AP3D1: variants seen among roughly 807,000 people sequenced by gnomAD.
The protein encoded by AP3D1 is adaptor related protein complex 3 subunit delta 1.
In AP3D1, 51 loss-of-function variants were observed where a neutral mutation model predicts 147.6. The observed-to-expected ratio is 0.35, with a 90% CI of 0.28 to 0.44. AP3D1 has a LOEUF of 0.44. Among genes scored for constraint, AP3D1 ranks in the 20% least tolerant of loss-of-function variants. AP3D1 has a pLI of 1.00. For missense variants in AP3D1, 1,421 were observed against 1,624.2 expected, an observed-to-expected ratio of 0.87 and a Z score of 2.15; for synonymous variants, 760 against 663.0, an observed-to-expected ratio of 1.15 and a Z score of -2.25.
chr19:2,107,216 C>T (rs536159136), intron 31 of AP3D1, among the ~76,000 whole-genome samples: 5 of 150,832 alleles, frequency 3.3e-5, no homozygotes, highest in Admixed American at 6.6e-5. Context: ...GCCGAGACCG[C>T]GCCACTGCAG....
At chr19:2,128,257 C>T (rs1009803505) in intron 8 of AP3D1, among the ~76,000 whole-genome samples, 1 of 152,166 alleles carries the variant, frequency 6.6e-6, no homozygotes, top group Non-Finnish European at 1.5e-5. Context: ...CATTCCACAA[C>T]CTTGCAGTGC....
At chr19:2,130,624 G>C (rs1013871776) in intron 5 of AP3D1, 87 bp from the exon 6 acceptor site, 1 of 1,577,060 alleles carries the variant, frequency 6.3e-7, no homozygotes, top group African/African-American at 1.3e-5. Flanking sequence ...CCACAGAGAG[G>C]AGATGCCCTC....
chr19:2,135,097 A>G (rs979960891), intron 4 of AP3D1, among the ~76,000 whole-genome samples: 1 of 152,036 alleles, frequency 6.6e-6, no homozygotes, highest in Non-Finnish European at 1.5e-5. Flanking sequence ...GCTACTTGGG[A>G]GGCTGACGCA....
intron 31 of AP3D1, 112 bp from the exon 32 acceptor site, chr19:2,102,380 G>A: frequency 2.3e-6 from 2 of 866,334 alleles, no homozygotes; most frequent in East Asian, 5.0e-5. Flanking sequence ...GATCACCTGA[G>A]GTCAGGAGTT....
At chr19:2,124,070 T>C (rs1457703367) in intron 9 of AP3D1, among the ~76,000 whole-genome samples, 191 bp from the exon 10 acceptor site, 1 of 152,202 alleles carries the variant, frequency 6.6e-6, no homozygotes, top group East Asian at 1.9e-4. Context: ...GGCCTGAGGA[T>C]AGGAACCTGC....
chr19:2,141,111 A>C (rs3786969), intron 1 of AP3D1, among the ~76,000 whole-genome samples: 48,508 of 152,042 alleles, frequency 0.32, 9,014 homozygotes, highest in Non-Finnish European at 0.43. Context: ...ACCTAGACCC[A>C]AAAGATTATA....
intron 9 of AP3D1, among the ~76,000 whole-genome samples, chr19:2,125,621 G>A (rs1440149504): frequency 6.6e-6 from 1 of 152,028 alleles, no homozygotes; most frequent in Non-Finnish European, 1.5e-5. Context: ...GCCCGGCCAG[G>A]AGTGTTATGT....
intron 19 of AP3D1, 60 bp from the exon 20 acceptor site, chr19:2,115,478 G>A (rs543605994): frequency 1.2e-5 from 19 of 1,608,426 alleles, no homozygotes; most frequent in South Asian, 4.4e-5. Flanking sequence ...CGGGGAGGGC[G>A]GCGGGAGCAC....
At chr19:2,136,165 G>A (rs371491694) in intron 4 of AP3D1, among the ~76,000 whole-genome samples, 144 of 152,334 alleles carry the variant, frequency 9.5e-4, no homozygotes, top group African/African-American at 3.1e-3. Flanking sequence ...CAGGCGGGAC[G>A]CCCAGCTCTA....
rs530601410 is a variant in AP3D1, at chr19:2,116,930, G to C, written c.1860-184C>G. 6.6e-4 allele frequency: 604 copies of C among 917,750 alleles called. 4 individuals are homozygous for C. The Middle Eastern group carries it at 7.2e-3, about 11-fold the overall frequency. 56.9% of individuals were successfully genotyped at this position (917,750 alleles called of 1,614,324 possible). ...TTAAGAGGACGCAGGGACCCAGGAA[G>C]ACTGCGGCAGGGTCACAGTGGGGCC... On this transcript the variant is annotated intron_variant, in intron 16 of 31. Transcript: ENST00000643116.
intron 1 of AP3D1, among the ~76,000 whole-genome samples, chr19:2,163,046 T>C (rs960874221): frequency 6.6e-6 from 1 of 151,952 alleles, no homozygotes; most frequent in African/African-American, 2.4e-5. Flanking sequence ...TGGGAGAAAC[T>C]TATAGTTTAA....
At position 2,118,586 on chromosome 19, in the gene AP3D1, A is replaced by G. The variant is rs774181937; in HGVS notation, c.1713+15T>C. The G allele has an allele frequency of 1.3e-6, 2 of 1,597,966 alleles. No individual in the cohort carries two copies. The highest frequency in any genetic ancestry group is 3.3e-5 in the Admixed American group (2 of 59,852). On this transcript the variant is annotated intron_variant, in intron 15 of 31. Transcript: ENST00000643116. The stretch of plus-strand genomic sequence containing the variant: ...CTCCCTGAGGCTCGGCCCAACACGG[A>G]GTGTTGGATCTTACCCGCTCCTGCA...
chr19:2,158,351 C>T (rs1423277172), intron 1 of AP3D1, among the ~76,000 whole-genome samples: 3 of 148,518 alleles, frequency 2.0e-5, no homozygotes, highest in African/African-American at 7.5e-5. Context: ...CCAACGTGCT[C>T]GACCTGTTTT....
At chr19:2,119,280 C>T (rs983287857) in intron 14 of AP3D1, among the ~76,000 whole-genome samples, 10 of 152,144 alleles carry the variant, frequency 6.6e-5, no homozygotes, top group Non-Finnish European at 1.3e-4. Context: ...TAGAAGTGGC[C>T]GGGTGTGGTG....
intron 1 of AP3D1, among the ~76,000 whole-genome samples, chr19:2,159,394 G>GT (rs951223199): frequency 2.1e-3 from 263 of 123,066 alleles, no homozygotes; most frequent in Middle Eastern, 8.5e-3. Context: ...AATTTTTTTT[G>GT]TTTTTTTTTT....
chr19:2,104,602 C>T (rs962914846), intron 31 of AP3D1, among the ~76,000 whole-genome samples: 1 of 151,716 alleles, frequency 6.6e-6, no homozygotes, highest in Non-Finnish European at 1.5e-5. Context: ...CCCCAACGTG[C>T]AGACCCCAAC....
intron 14 of AP3D1, among the ~76,000 whole-genome samples, chr19:2,120,149 C>G (rs913853121): frequency 1.3e-5 from 2 of 152,090 alleles, no homozygotes; most frequent in Admixed American, 6.6e-5. Context: ...GGCAGTGAGG[C>G]ATAGCAGCAA....
intron 14 of AP3D1, among the ~76,000 whole-genome samples, chr19:2,119,761 C>A (rs949205342): frequency 6.7e-6 from 1 of 150,230 alleles, no homozygotes; most frequent in African/African-American, 2.4e-5. Flanking sequence ...TGGTGAAACC[C>A]CATCTCTAAT....
chr19:2,137,889 C>T, intron 2 of AP3D1, 82 bp from the exon 3 acceptor site: 2 of 1,275,860 alleles, frequency 1.6e-6, no homozygotes, highest in Non-Finnish European at 1.1e-6. Flanking sequence ...AGCGCTCCCT[C>T]CCAGCACACG....
Sources: allele counts gnomAD v4.1 joint callset (sites outside exome capture counted in the v4.1 genomes callset), GRCh38; gene constraint gnomAD v4.1.1; transcripts MANE v1.5; gene names NCBI Gene and HGNC (gene_info 2026-07-23, HGNC 2026-07-21).